VWA5B1: variants seen among roughly 807,000 people sequenced by gnomAD.
The protein encoded by VWA5B1 is von Willebrand factor A domain-containing protein 5B1.
Under a neutral mutation model 118.2 loss-of-function variants are expected in VWA5B1, and 115 were observed. That is an observed-to-expected ratio of 0.97 (90% CI 0.84 to 1.14). The LOEUF (loss-of-function observed/expected upper bound fraction) is 1.14, where lower values mean the gene tolerates loss of function less well. VWA5B1 is among the 50% of genes most tolerant of loss of function. VWA5B1 has a pLI of 0.00. For synonymous variants in VWA5B1, 682 were observed against 658.4 expected, an observed-to-expected ratio of 1.04 and a Z score of -0.55; for missense variants, 1,596 against 1,603.8, an observed-to-expected ratio of 1.00 and a Z score of 0.08.
At chr1:20,320,067 C>A (rs1025631115) in intron 7 of VWA5B1, among the ~76,000 whole-genome samples, 1 of 152,230 alleles carries the variant, frequency 6.6e-6, no homozygotes, top group African/African-American at 2.4e-5. Context: ...TGAGCGTCAG[C>A]CACAAGTCAC....
Position 20,343,377 on chromosome 1 carries a change from G to A in VWA5B1, c.2610G>A (p.Glu870=). The A allele has an allele frequency of 6.5e-7, 1 of 1,532,440 alleles. No homozygotes were observed. Among genetic ancestry groups the A allele is most frequent in the Non-Finnish European group, 8.8e-7 (1 of 1,141,834 alleles). The allele number at this position is 1,532,440 out of a possible 1,614,324, so 94.9% of individuals were successfully genotyped here. The change falls in exon 16 of 22, where the codon GAG becomes GAA. Residue 870 remains glutamate, a synonymous_variant. Transcript: ENST00000289815. ...IRDFEQLAER[E]GEIEQGSNRR... ...ACTTCGAGCAGCTGGCGGAGCGCGAGGGCGAGATCGAGCAGGGTGAGCGCC... is the reference window on the plus strand; with the variant it reads ...ACTTCGAGCAGCTGGCGGAGCGCGAAGGCGAGATCGAGCAGGGTGAGCGCC...
Position 20,345,440 on chromosome 1 carries a change from G to A in VWA5B1, c.2627-16G>A, listed in dbSNP as rs887373695. 14 of 1,550,640 alleles carry A rather than the reference G, an allele frequency of 9.0e-6. No homozygotes were observed. The African/African-American group carries it at 1.8e-4, about 20-fold the overall frequency. ...TTTCTGAGTCCAAACAGTGACCCCA[G>A]TTTCTCCCTCCACAGGGTCCAACCG... On this transcript the variant is annotated splice_polypyrimidine_tract_variant and intron_variant, in intron 16 of 21. Transcript: ENST00000289815.
At chr1:20,333,093 T>C in intron 12 of VWA5B1, 142 bp downstream of exon 12, 4 of 1,093,378 alleles carry the variant, frequency 3.7e-6, no homozygotes, top group Non-Finnish European at 5.1e-6. Context: ...TTTTCCCAGT[T>C]GTGGGTTTAC....
chr1:20,318,489 A>G (rs772941168), intron 5 of VWA5B1, 101 bp from the exon 6 acceptor site: 6 of 1,507,948 alleles, frequency 4.0e-6, no homozygotes, highest in South Asian at 3.6e-5. Context: ...CGGGGCTGGC[A>G]TGTCACTCAT....
intron 12 of VWA5B1, among the ~76,000 whole-genome samples, chr1:20,335,606 C>T (rs2089691015): frequency 1.3e-5 from 2 of 152,182 alleles, no homozygotes; most frequent in Middle Eastern, 3.4e-3. Flanking sequence ...TATAAACAGT[C>T]AATTAACGCA....
In VWA5B1 at chr1:20,353,745, C is replaced by G. The variant is rs1226534476; in HGVS notation, c.3142-12C>G. 73 of 1,451,828 alleles carry G rather than the reference C, an allele frequency of 5.0e-5. No homozygotes were observed. The highest frequency in any genetic ancestry group is 6.1e-5 in the Non-Finnish European group (67 of 1,099,436). The allele number at this position is 1,451,828 out of a possible 1,614,324, so 89.9% of individuals were successfully genotyped here. ...CATTTGAGGCCCACTGAAGGGCTTC[C>G]CCCACACACAGGTGTCTCTGCAGCT... On this transcript the variant is annotated splice_polypyrimidine_tract_variant and intron_variant, in intron 21 of 21. Transcript: ENST00000289815.
In VWA5B1 at chr1:20,325,560, G is replaced by A. The variant is rs143104976; in HGVS notation, c.1143+2028G>A. On this transcript the variant is annotated intron_variant, in intron 8 of 21. Transcript: ENST00000289815. ...TCCAGGCAGTTACTACCAGTTAAAT[G>A]TAATTAGTTCATAAATGGAAATCCA... 5.3e-3 allele frequency among the ~76,000 whole-genome samples: 814 copies of A among 152,290 alleles called. 7 individuals carry two copies. The highest frequency in any genetic ancestry group is 0.017 in the African/African-American group (699 of 41,552).
intron 12 of VWA5B1, among the ~76,000 whole-genome samples, chr1:20,336,010 T>C (rs953472912): frequency 2.6e-5 from 4 of 152,164 alleles, no homozygotes; most frequent in African/African-American, 9.7e-5. Context: ...TTTTGGTAAT[T>C]TCGGTTACCT....
At chr1:20,329,528 C>T (rs371658872) in intron 9 of VWA5B1, among the ~76,000 whole-genome samples, 19 of 152,030 alleles carry the variant, frequency 1.2e-4, no homozygotes, top group East Asian at 5.8e-4. Context: ...AGGCTGGTCT[C>T]GAATTCCTGA....
intron 9 of VWA5B1, 89 bp downstream of exon 9, chr1:20,328,089 C>G (rs2089441716): frequency 7.8e-7 from 1 of 1,282,296 alleles, no homozygotes; most frequent in Non-Finnish European, 1.1e-6. Flanking sequence ...AGTTAAAACC[C>G]TAGTGCTGGC....
intron 13 of VWA5B1, among the ~76,000 whole-genome samples, 193 bp from the exon 14 acceptor site, chr1:20,337,453 C>T (rs865986748): frequency 6.6e-6 from 1 of 152,032 alleles, no homozygotes; most frequent in African/African-American, 2.4e-5. Context: ...AAAGAAGCAG[C>T]AGGGAGAGTA....
intron 1 of VWA5B1, among the ~76,000 whole-genome samples, chr1:20,305,578 C>T (rs1189418075): frequency 2.0e-5 from 3 of 152,026 alleles, no homozygotes; most frequent in African/African-American, 7.2e-5. Context: ...GGACCAAGGA[C>T]ACAGAGAGTT....
chr1:20,336,527 A>G (rs767773177), intron 13 of VWA5B1, 41 bp downstream of exon 13: 2 of 1,316,236 alleles, frequency 1.5e-6, no homozygotes, highest in East Asian at 5.9e-5. Flanking sequence ...TACATTGAGC[A>G]CTTACTATGT....
At chr1:20,343,422 G>C in intron 16 of VWA5B1, 29 bp downstream of exon 16, 1 of 1,480,170 alleles carries the variant, frequency 6.8e-7, no homozygotes, top group Non-Finnish European at 9.0e-7. Flanking sequence ...CGCCCCTCCC[G>C]CGGACGGCCT....
chr1:20,318,539 C>G lies in VWA5B1; in HGVS notation c.710-51C>G, dbSNP rs759861166. 13 of 1,548,302 alleles carry G rather than the reference C, an allele frequency of 8.4e-6. No homozygotes were observed. In the South Asian group the frequency reaches 1.3e-4, roughly 16 times the overall value. Reference sequence around the variant, plus strand: ...TCGGTGTGCCCCAGCGAACTCCTCTCTCTCCTGACCTCATGAGCCTATATC... The same window carrying G: ...TCGGTGTGCCCCAGCGAACTCCTCTGTCTCCTGACCTCATGAGCCTATATC... On this transcript the variant is annotated intron_variant, in intron 5 of 21. Coordinates refer to ENST00000289815, the MANE Select transcript of VWA5B1 (RefSeq NM_001039500.3).
At chr1:20,348,125 C>A in intron 17 of VWA5B1, 120 bp from the exon 18 acceptor site, 1 of 973,756 alleles carries the variant, frequency 1.0e-6, no homozygotes, top group Non-Finnish European at 1.6e-6. Flanking sequence ...TGTACAACAC[C>A]TTCCTGCCTT....
chr1:20,310,041 TC>T (rs1170707783), intron 1 of VWA5B1, among the ~76,000 whole-genome samples: 2 of 151,650 alleles, frequency 1.3e-5, no homozygotes, highest in African/African-American at 4.9e-5. Flanking sequence ...AGAATGTGGC[TC>T]CCCTTACTTT....
chr1:20,328,587 T>C (rs1186091628), intron 9 of VWA5B1, among the ~76,000 whole-genome samples: 1 of 152,140 alleles, frequency 6.6e-6, no homozygotes. Context: ...ATGGGACACT[T>C]TTCAACTAAA....
At chr1:20,327,712 C>G (rs1055592948) in intron 8 of VWA5B1, among the ~76,000 whole-genome samples, 178 bp from the exon 9 acceptor site, 9 of 151,906 alleles carry the variant, frequency 5.9e-5, no homozygotes, top group African/African-American at 2.2e-4. Flanking sequence ...GGTCCAGCCT[C>G]TGGTCAGTGT....
Sources: allele counts gnomAD v4.1 joint callset (sites outside exome capture counted in the v4.1 genomes callset), GRCh38; gene constraint gnomAD v4.1.1; transcripts MANE v1.5; gene names NCBI Gene and HGNC (gene_info 2026-07-23, HGNC 2026-07-21).